Variants in FANCC observed in about 807,000 individuals in gnomAD.
FANCC encodes the protein FA complementation group C, also known as Fanconi anemia group C protein.
Under a neutral mutation model 71.3 loss-of-function variants are expected in FANCC, and 55 were observed. That is an observed-to-expected ratio of 0.77 (90% CI 0.62 to 0.97). The LOEUF (loss-of-function observed/expected upper bound fraction) is 0.97. Among genes scored for constraint, FANCC ranks in the 50% least tolerant of loss-of-function variants. FANCC has a pLI of 0.00. For synonymous variants in FANCC, 275 were observed against 244.9 expected (o/e 1.12, Z -1.15); for missense variants, 678 against 670.9 (o/e 1.01, Z -0.12).
At position 95,135,499 on chromosome 9, in the gene FANCC, C is replaced by G; in HGVS notation, c.690G>C (p.Lys230Asn). The G allele has an allele frequency of 6.2e-7, 1 of 1,613,774 alleles. No individual in the cohort carries two copies. The highest frequency in any genetic ancestry group is 1.1e-5 in the South Asian group (1 of 91,036). The stretch of plus-strand genomic sequence containing the variant: ...CAGCTGACATGGGGAGAGAAATCTT[C>G]TTCCTTTCAGAAAGAAATAAACAAA... ...FEAVNEAILL[K>N]KISLPMSAVV... The change falls in exon 8 of 15, where the codon AAG becomes AAC. Residue 230 changes from lysine (K) to asparagine (N), a missense_variant. Lys to Asn is a moderately conservative substitution (Grantham distance 94, BLOSUM62 0). Coordinates refer to ENST00000289081, the MANE Select transcript of FANCC (RefSeq NM_000136.3).
chr9:95,264,606 C>T (rs1399282436), intron 1 of FANCC, among the ~76,000 whole-genome samples: 1 of 152,130 alleles, frequency 6.6e-6, no homozygotes, highest in African/African-American at 2.4e-5. Context: ...TGATAAAGTG[C>T]ACTTTTTTCC....
At chr9:95,106,802 T>C (rs1328093691) in intron 14 of FANCC, among the ~76,000 whole-genome samples, 1 of 152,220 alleles carries the variant, frequency 6.6e-6, no homozygotes, top group Admixed American at 6.5e-5. Flanking sequence ...ACCTGGCTTC[T>C]ACCGCAGGCT....
At chr9:95,236,091 G>T (rs931857676) in intron 4 of FANCC, among the ~76,000 whole-genome samples, 3 of 152,064 alleles carry the variant, frequency 2.0e-5, no homozygotes, top group Admixed American at 2.0e-4. Flanking sequence ...ATTGCATTTC[G>T]AAAGAAAATA....
At chr9:95,127,870 T>C (rs1041081395) in intron 8 of FANCC, among the ~76,000 whole-genome samples, 1 of 152,254 alleles carries the variant, frequency 6.6e-6, no homozygotes, top group Non-Finnish European at 1.5e-5. Context: ...GCAGGAGCTC[T>C]GCCACTTTTT....
intron 4 of FANCC, among the ~76,000 whole-genome samples, chr9:95,187,369 C>T (rs1000728438): frequency 2.6e-5 from 4 of 152,232 alleles, no homozygotes; most frequent in Admixed American, 2.0e-4. Context: ...CACCTCCTGC[C>T]CTCTGGCTCA....
intron 4 of FANCC, among the ~76,000 whole-genome samples, chr9:95,215,374 TGGAGAGAG>T (rs1331237233): frequency 1.3e-5 from 2 of 149,422 alleles, no homozygotes; most frequent in East Asian, 2.0e-4. Flanking sequence ...GAGAGGGAGA[TGGAGAGAG>T]GGAGATAGGG....
At chr9:95,237,526 C>T (rs1436675058) in intron 4 of FANCC, among the ~76,000 whole-genome samples, 1 of 152,232 alleles carries the variant, frequency 6.6e-6, no homozygotes, top group Admixed American at 6.5e-5. Context: ...CCACAGCTGC[C>T]CTGTCCAACA....
At chr9:95,123,248 G>A (rs1463955754) in intron 10 of FANCC, 2 of 229,744 alleles carry the variant, frequency 8.7e-6, no homozygotes, top group Admixed American at 5.3e-5. Flanking sequence ...AGGCTGCAGT[G>A]AGCCATGATC....
At chr9:95,138,084 C>T (rs918675528) in intron 7 of FANCC, among the ~76,000 whole-genome samples, 4 of 152,238 alleles carry the variant, frequency 2.6e-5, no homozygotes, top group African/African-American at 9.6e-5. Flanking sequence ...GATGCTGTTT[C>T]GCTTGCACTT....
chr9:95,293,657 T>C lies in FANCC; in HGVS notation c.-79+23869A>G, dbSNP rs966565174. On this transcript the variant is annotated intron_variant, in intron 1 of 14. Coordinates refer to ENST00000289081, the MANE Select transcript of FANCC (RefSeq NM_000136.3). ...CCACCGCTGATTCCTCTGTGTCGTC[T>C]TGTTCTCAAACTGATTTGTTGTTTG... 9 of 1,614,116 alleles carry C rather than the reference T, an allele frequency of 5.6e-6. No individual in the cohort carries two copies. In the African/African-American group the frequency reaches 1.2e-4, roughly 22 times the overall value.
At chr9:95,232,367 T>C (rs1011434417) in intron 4 of FANCC, among the ~76,000 whole-genome samples, 1 of 152,160 alleles carries the variant, frequency 6.6e-6, no homozygotes, top group African/African-American at 2.4e-5. Flanking sequence ...ACATATATTA[T>C]GAACTCACTT....
intron 4 of FANCC, among the ~76,000 whole-genome samples, chr9:95,216,895 G>A (rs1456791058): frequency 3.9e-5 from 6 of 152,080 alleles, no homozygotes; most frequent in East Asian, 3.9e-4. Flanking sequence ...AACAGTGGCA[G>A]TCTAACTTGT....
intron 4 of FANCC, among the ~76,000 whole-genome samples, chr9:95,201,339 C>G (rs1827793258): frequency 6.6e-6 from 1 of 152,062 alleles, no homozygotes; most frequent in African/African-American, 2.4e-5. Flanking sequence ...AAAAATAAAC[C>G]ATGCTGCTAC....
intron 7 of FANCC, among the ~76,000 whole-genome samples, chr9:95,140,644 A>G (rs1828512490): frequency 6.6e-6 from 1 of 152,174 alleles, no homozygotes; most frequent in Non-Finnish European, 1.5e-5. Context: ...GCAACAGTCC[A>G]CCTTTTCAAA....
At chr9:95,287,816 G>A (rs939195552) in intron 1 of FANCC, among the ~76,000 whole-genome samples, 1 of 152,170 alleles carries the variant, frequency 6.6e-6, no homozygotes, top group African/African-American at 2.4e-5. Context: ...TTCTAGACAG[G>A]AGCTGCACAG....
intron 1 of FANCC, among the ~76,000 whole-genome samples, chr9:95,300,863 C>G (rs1834680635): frequency 6.6e-6 from 1 of 152,102 alleles, no homozygotes; most frequent in South Asian, 2.1e-4. Flanking sequence ...GAAAGAGAGC[C>G]AGTGGCAAAG....
intron 14 of FANCC, among the ~76,000 whole-genome samples, chr9:95,104,101 G>T: frequency 6.6e-6 from 1 of 151,950 alleles, no homozygotes; most frequent in East Asian, 1.9e-4. Flanking sequence ...AAGCAGACCC[G>T]GCTCTTTCCA....
intron 1 of FANCC, among the ~76,000 whole-genome samples, chr9:95,315,556 T>C (rs1371715187): frequency 6.6e-6 from 1 of 152,262 alleles, no homozygotes; most frequent in South Asian, 2.1e-4. Context: ...TCTCCACTTC[T>C]GCATTTTTAT....
At chr9:95,299,541 A>G (rs184813769) in intron 1 of FANCC, among the ~76,000 whole-genome samples, 1 of 152,332 alleles carries the variant, frequency 6.6e-6, no homozygotes, top group Admixed American at 6.5e-5. Context: ...TCTGTCAAAT[A>G]AAAGTTACTA....
Sources: gnomAD v4.1 joint callset for allele counts (sites outside exome capture counted in the v4.1 genomes callset) on GRCh38, gnomAD v4.1.1 for gene constraint, MANE v1.5 for transcripts, NCBI Gene and HGNC (gene_info 2026-07-23, HGNC 2026-07-21) for gene names.